CLSTN2: variants seen among roughly 807,000 people sequenced by gnomAD.
The protein encoded by CLSTN2 is calsyntenin-2.
Under a neutral mutation model 101.2 loss-of-function variants are expected in CLSTN2, and 48 were observed. The observed-to-expected ratio is 0.47, with a 90% CI of 0.38 to 0.60. The LOEUF (loss-of-function observed/expected upper bound fraction) is 0.60, where lower values mean the gene tolerates loss of function less well. CLSTN2 is among the 20% of genes least tolerant of loss of function. The pLI, the probability that CLSTN2 is intolerant of heterozygous loss-of-function variation, is 0.00. For synonymous variants in CLSTN2, 481 were observed against 463.6 expected (o/e 1.04, Z -0.48); for missense variants, 1,160 against 1,238.2 (o/e 0.94, Z 0.95).
chr3:140,207,822 G>T (rs546927093), intron 2 of CLSTN2, among the ~76,000 whole-genome samples: 1 of 152,114 alleles, frequency 6.6e-6, no homozygotes, highest in African/African-American at 2.4e-5. Flanking sequence ...AGTTAAGAAG[G>T]CACCTGCTTC....
chr3:139,970,286 G>C (rs1181851065), intron 1 of CLSTN2, among the ~76,000 whole-genome samples: 1 of 152,138 alleles, frequency 6.6e-6, no homozygotes, highest in Non-Finnish European at 1.5e-5. Context: ...CAGGGTTCCT[G>C]GCACCATGTG....
intron 1 of CLSTN2, among the ~76,000 whole-genome samples, chr3:140,039,449 T>C (rs1303541595): frequency 6.6e-6 from 1 of 152,218 alleles, no homozygotes; most frequent in South Asian, 2.1e-4. Context: ...TCCTAGCTAA[T>C]TGGATATTTC....
chr3:140,260,140 ATATATATATATATATAT>A (rs2107882174), intron 2 of CLSTN2, among the ~76,000 whole-genome samples: 1 of 130,754 alleles, frequency 7.6e-6, no homozygotes, highest in African/African-American at 3.6e-5. Context: ...AAAGAAATAT[ATATATATATATATATAT>A]TATATATAAA....
intron 2 of CLSTN2, among the ~76,000 whole-genome samples, chr3:140,187,733 A>G (rs1168385136): frequency 2.0e-5 from 3 of 151,950 alleles, no homozygotes; most frequent in Admixed American, 1.3e-4. Flanking sequence ...TCTGGTTTCC[A>G]CTGTGTCTGT....
At chr3:140,266,160 C>T (rs2086692182) in intron 2 of CLSTN2, among the ~76,000 whole-genome samples, 2 of 152,146 alleles carry the variant, frequency 1.3e-5, no homozygotes, top group Admixed American at 1.3e-4. Flanking sequence ...AGTATTGGCA[C>T]ACCCCCCATT....
chr3:140,432,047 T>C (rs1340277428), intron 5 of CLSTN2, among the ~76,000 whole-genome samples: 1 of 152,200 alleles, frequency 6.6e-6, no homozygotes, highest in East Asian at 1.9e-4. Context: ...ATCCATAGAA[T>C]TGAGTAAGGC....
rs1335958001 is a variant in CLSTN2 at position 140,368,246 on chromosome 3, G to A, written c.233-35383G>A. ...TTTATGAATCTGTGTGCCCCCCAGAGCACTCCACGTGCTTTCCTGCATTGC... is the reference window on the plus strand; with the variant it reads ...TTTATGAATCTGTGTGCCCCCCAGAACACTCCACGTGCTTTCCTGCATTGC... On this transcript the variant is annotated intron_variant, in intron 2 of 16. Transcript: ENST00000458420. 3.3e-5 allele frequency among the ~76,000 whole-genome samples: 5 copies of A among 152,138 alleles called. 1 individual carries two copies. The South Asian group carries it at 1.0e-3, about 31-fold the overall frequency.
At chr3:140,418,650 T>C (rs2088458402) in intron 4 of CLSTN2, among the ~76,000 whole-genome samples, 1 of 151,614 alleles carries the variant, frequency 6.6e-6, no homozygotes, top group African/African-American at 2.4e-5. Flanking sequence ...CCCGAGCCAC[T>C]GGGATTACAG....
At chr3:140,061,450 A>G (rs545750051) in intron 1 of CLSTN2, among the ~76,000 whole-genome samples, 126 of 152,214 alleles carry the variant, frequency 8.3e-4, no homozygotes, top group Non-Finnish European at 1.3e-3. Context: ...GGGTTGCCCT[A>G]GGAGACCTCA....
intron 5 of CLSTN2, among the ~76,000 whole-genome samples, chr3:140,427,225 G>GTGTGTATATATATATATATATA (rs2088580439): frequency 1.5e-5 from 1 of 67,204 alleles, no homozygotes; most frequent in Non-Finnish European, 2.6e-5. Flanking sequence ...ATATATATAT[G>GTGTGTATATATATATATATATA]TGTGTATATA....
At chr3:140,416,029 A>C (rs953866257) in intron 4 of CLSTN2, among the ~76,000 whole-genome samples, 1 of 152,226 alleles carries the variant, frequency 6.6e-6, no homozygotes, top group South Asian at 2.1e-4. Flanking sequence ...TCAGCGTTAA[A>C]AAAGAAGGAA....
chr3:140,144,605 G>C (rs2009754154), intron 1 of CLSTN2, among the ~76,000 whole-genome samples: 1 of 151,664 alleles, frequency 6.6e-6, no homozygotes, highest in Non-Finnish European at 1.5e-5. Context: ...ATCAGAGCGA[G>C]ACTTCATCTC....
At chr3:140,386,849 G>A (rs1349138759) in intron 2 of CLSTN2, among the ~76,000 whole-genome samples, 2 of 152,206 alleles carry the variant, frequency 1.3e-5, no homozygotes, top group African/African-American at 4.8e-5. Flanking sequence ...TCCAAGCCAA[G>A]TATGAACTTA....
chr3:140,475,298 G>A (rs1169379281), intron 8 of CLSTN2, among the ~76,000 whole-genome samples: 1 of 152,136 alleles, frequency 6.6e-6, no homozygotes, highest in Non-Finnish European at 1.5e-5. Context: ...TGTTGATGGA[G>A]CATATTGCAT....
chr3:140,040,544 C>G (rs1317723673), intron 1 of CLSTN2, among the ~76,000 whole-genome samples: 1 of 151,784 alleles, frequency 6.6e-6, no homozygotes, highest in Non-Finnish European at 1.5e-5. Context: ...GACTAATGTC[C>G]CACAGGTGCA....
intron 2 of CLSTN2, among the ~76,000 whole-genome samples, chr3:140,356,722 C>T (rs1228278312): frequency 7.1e-6 from 1 of 139,902 alleles, no homozygotes; most frequent in Non-Finnish European, 1.5e-5. Context: ...CATGCCACTG[C>T]ACTCCAGCCT....
chr3:140,335,244 G>A (rs973761384), intron 2 of CLSTN2, among the ~76,000 whole-genome samples: 6 of 152,210 alleles, frequency 3.9e-5, no homozygotes, highest in African/African-American at 1.4e-4. Context: ...AGGCCCTTTG[G>A]ACCTGGTGAC....
At chr3:140,404,433 A>T in intron 3 of CLSTN2, 125 bp from the exon 4 acceptor site, 1 of 791,988 alleles carries the variant, frequency 1.3e-6, no homozygotes, top group Non-Finnish European at 2.1e-6. Flanking sequence ...GACAACTGCC[A>T]CAATTGGCTG....
intron 1 of CLSTN2, among the ~76,000 whole-genome samples, chr3:140,158,765 CT>C (rs960958323): frequency 1.1e-4 from 17 of 152,272 alleles, no homozygotes; most frequent in African/African-American, 3.8e-4. Flanking sequence ...GTCACACTCC[CT>C]GATTTCAAAC....
Sources: gnomAD v4.1 joint callset for allele counts (sites outside exome capture counted in the v4.1 genomes callset) on GRCh38, gnomAD v4.1.1 for gene constraint, MANE v1.5 for transcripts, NCBI Gene and HGNC (gene_info 2026-07-23, HGNC 2026-07-21) for gene names.